Variants in SHISA9 observed in about 807,000 individuals in gnomAD.
SHISA9 encodes shisa family member 9.
In SHISA9, 13 loss-of-function variants were observed where a neutral mutation model predicts 38.0. The ratio of observed to expected loss-of-function variants is 0.34; its 90% CI spans 0.22 to 0.54. The LOEUF (loss-of-function observed/expected upper bound fraction) is 0.54. SHISA9 is among the 20% of genes least tolerant of loss of function. The pLI is 0.91. For missense variants in SHISA9, 538 were observed against 575.8 expected, an observed-to-expected ratio of 0.93 and a Z score of 0.67; for synonymous variants, 275 against 242.0, an observed-to-expected ratio of 1.14 and a Z score of -1.27.
chr16:12,998,056 G>A (rs2072480216), intron 2 of SHISA9, among the ~76,000 whole-genome samples: 1 of 152,170 alleles, frequency 6.6e-6, no homozygotes, highest in South Asian at 2.1e-4. Context: ...TGTTGTATCT[G>A]CGGTACCTGT....
the SHISA9 span, among the ~76,000 whole-genome samples, chr16:13,513,640 G>A: frequency 3.3e-5 from 5 of 152,276 alleles, no homozygotes. Context: ...TACACACCAC[G>A]GAATACTATG....
the SHISA9 span, among the ~76,000 whole-genome samples, chr16:13,348,554 C>T: frequency 4.0e-5 from 6 of 151,732 alleles, no homozygotes; most frequent in Non-Finnish European, 7.4e-5. Flanking sequence ...TGCCTGGTGC[C>T]TGACTCTGTA....
At chr16:13,073,896 G>C (rs931262160) in intron 2 of SHISA9, among the ~76,000 whole-genome samples, 3 of 151,922 alleles carry the variant, frequency 2.0e-5, no homozygotes, top group Non-Finnish European at 4.4e-5. Context: ...AACCAAGTCT[G>C]TGGACTCCTT....
the SHISA9 span, among the ~76,000 whole-genome samples, chr16:13,541,681 G>A: frequency 6.6e-6 from 1 of 152,134 alleles, no homozygotes; most frequent in African/African-American, 2.4e-5. Context: ...GGTCTTCGGG[G>A]ACAGAATCCC....
the SHISA9 span, among the ~76,000 whole-genome samples, chr16:13,551,351 C>G: frequency 3.3e-5 from 5 of 152,162 alleles, no homozygotes; most frequent in Non-Finnish European, 2.9e-5. Flanking sequence ...TGCACACACA[C>G]CTATAAGCAC....
chr16:13,003,889 T>G (rs60560408), intron 2 of SHISA9, among the ~76,000 whole-genome samples: 93,259 of 145,564 alleles, frequency 0.64, 30,218 homozygotes, highest in South Asian at 0.72. Context: ...ATAATAATAA[T>G]AAGAAGAAGA....
the SHISA9 span, among the ~76,000 whole-genome samples, chr16:13,374,990 T>G: frequency 6.6e-6 from 1 of 152,262 alleles, no homozygotes; most frequent in Non-Finnish European, 1.5e-5. Flanking sequence ...GTTCATATCC[T>G]TTGCCCACTT....
the SHISA9 span, among the ~76,000 whole-genome samples, chr16:13,432,840 C>T: frequency 4.6e-5 from 7 of 152,104 alleles, no homozygotes; most frequent in African/African-American, 9.7e-5. Flanking sequence ...TACATGTTCT[C>T]GCTTATAAAT....
the SHISA9 span, among the ~76,000 whole-genome samples, chr16:13,289,567 C>A: frequency 6.6e-6 from 1 of 150,986 alleles, no homozygotes; most frequent in Non-Finnish European, 1.5e-5. Flanking sequence ...GAGGATCAGA[C>A]AATATATTAG....
the SHISA9 span, among the ~76,000 whole-genome samples, chr16:13,376,848 C>A: frequency 6.6e-6 from 1 of 152,054 alleles, no homozygotes; most frequent in African/African-American, 2.4e-5. Flanking sequence ...CCACTATGCC[C>A]AGCTAATTTT....
intron 2 of SHISA9, among the ~76,000 whole-genome samples, chr16:13,019,851 C>T (rs1190608987): frequency 9.8e-5 from 2 of 20,482 alleles, no homozygotes; most frequent in East Asian, 3.8e-3. Flanking sequence ...TCCTTCCCTC[C>T]CTCCCTCCCT....
intron 4 of SHISA9, among the ~76,000 whole-genome samples, chr16:13,230,089 CA>C (rs76446060): frequency 0.016 from 2,436 of 152,290 alleles, 42 homozygotes; most frequent in East Asian, 0.072. Flanking sequence ...AGGCCCTCAA[CA>C]AACACGGTTG....
At chr16:13,025,416 C>A (rs1473331229) in intron 2 of SHISA9, among the ~76,000 whole-genome samples, 1 of 152,174 alleles carries the variant, frequency 6.6e-6, no homozygotes, top group Non-Finnish European at 1.5e-5. Context: ...GGTTGAAACA[C>A]CACTTCCCTA....
the SHISA9 span, among the ~76,000 whole-genome samples, chr16:13,368,924 T>C: frequency 1.3e-5 from 2 of 152,220 alleles, no homozygotes. Context: ...TGTTTTTTCC[T>C]GGTAAGGATG....
At chr16:13,388,392 A>T in the SHISA9 span, among the ~76,000 whole-genome samples, 1 of 150,864 alleles carries the variant, frequency 6.6e-6, no homozygotes, top group Non-Finnish European at 1.5e-5. Context: ...GCTCACTGCA[A>T]CCTCCACCTC....
intron 2 of SHISA9, among the ~76,000 whole-genome samples, chr16:12,928,943 C>A (rs916720885): frequency 6.6e-6 from 1 of 152,136 alleles, no homozygotes; most frequent in Non-Finnish European, 1.5e-5. Context: ...TTAGAAGTGG[C>A]TAATTTCAGA....
chr16:12,902,406 A>G lies in SHISA9; in HGVS notation c.342A>G (p.Arg114=). The G allele has an allele frequency of 6.4e-7, 1 of 1,551,236 alleles. No homozygotes were observed. The highest frequency in any genetic ancestry group is 8.7e-7 in the Non-Finnish European group (1 of 1,146,986). The change falls in exon 1 of 5, where the codon CGA becomes CGG. Residue 114 remains arginine, a synonymous_variant. Transcript: ENST00000558583. ...FRFCCTFKKR[R]LNQSTCTNYD... ...TCTGCTGCACGTTTAAGAAGCGGCGACTGAACCAAAGCACCTGCACCAACT... is the reference window on the plus strand; with the variant it reads ...TCTGCTGCACGTTTAAGAAGCGGCGGCTGAACCAAAGCACCTGCACCAACT...
rs529247659 is a variant in SHISA9 at position 13,136,499 on chromosome 16, A to C, written c.692-66895A>C. Among the ~76,000 whole-genome samples the C allele has an allele frequency of 2.7e-5, 4 of 149,280 alleles. No homozygotes were observed. In the East Asian group the frequency reaches 7.9e-4, roughly 29 times the overall value. ...CTGCAACCTCCACCTCCCAGGTTCA[A>C]GTGATTCTCCTGCCTCAGCCTCCTG... On this transcript the variant is annotated intron_variant, in intron 2 of 4. Coordinates refer to ENST00000558583, the MANE Select transcript of SHISA9 (RefSeq NM_001145204.3).
chr16:13,417,059 G>GA, the SHISA9 span, among the ~76,000 whole-genome samples: 1 of 152,196 alleles, frequency 6.6e-6, no homozygotes, highest in Non-Finnish European at 1.5e-5. Flanking sequence ...GAGCCACACA[G>GA]AAAATCACAA....
Sources: allele counts gnomAD v4.1 joint callset (sites outside exome capture counted in the v4.1 genomes callset), GRCh38; gene constraint gnomAD v4.1.1; transcripts MANE v1.5; gene names NCBI Gene and HGNC (gene_info 2026-07-23, HGNC 2026-07-21).